The following SPAG17 variants were observed in gnomAD, a reference collection of about 807,000 sequenced individuals.
SPAG17 encodes sperm-associated antigen 17.
Under a neutral mutation model 273.6 loss-of-function variants are expected in SPAG17, and 169 were observed. The observed-to-expected ratio is 0.62, with a 90% CI of 0.55 to 0.70. The LOEUF (loss-of-function observed/expected upper bound fraction) is 0.70, where lower values mean the gene tolerates loss of function less well. SPAG17 is among the 30% of genes least tolerant of loss of function. The pLI is 0.00. For missense variants in SPAG17, 2,557 were observed against 2,627.8 expected, an observed-to-expected ratio of 0.97 and a Z score of 0.59; for synonymous variants, 825 against 873.2, an observed-to-expected ratio of 0.94 and a Z score of 0.97.
chr1:117,959,510 A>G, intron 48 of SPAG17: 1 of 1,461,602 alleles, frequency 6.8e-7, no homozygotes, highest in Non-Finnish European at 9.1e-7. Flanking sequence ...TAAACTAAGC[A>G]CAGAAGAGTT....
intron 47 of SPAG17, chr1:117,965,709 T>A (rs1653746079): frequency 6.6e-6 from 1 of 152,214 alleles, no homozygotes; most frequent in African/African-American, 2.4e-5. Context: ...ACAATAACCC[T>A]GGATTCATCT....
Position 117,973,553 on chromosome 1 carries a change from A to G in SPAG17, c.6013T>C (p.Ser2005Pro), listed in dbSNP as rs764085547. The change falls in exon 44 of 49, where the codon TCT (serine) becomes CCT (proline). Residue 2005 changes from serine to proline, a missense_variant. Physicochemically the swap from Ser to Pro is moderately conservative, Grantham distance 74. Coordinates refer to ENST00000336338, the MANE Select transcript of SPAG17 (RefSeq NM_206996.4). ...GTTGGAATTTTCACGGGCTCATAAGATTCTGCTTCTGTTAGAGAGAAAGCT... is the reference window on the plus strand; with the variant it reads ...GTTGGAATTTTCACGGGCTCATAAGGTTCTGCTTCTGTTAGAGAGAAAGCT... ...NLTKSPEEAE[S>P]YEPVKIPTQS... is the part of the protein sequence containing the mutation. 6.2e-7 allele frequency: 1 copy of G among 1,613,540 alleles called. No individual in the cohort carries two copies. The highest frequency in any genetic ancestry group is 1.1e-5 in the South Asian group (1 of 90,988).
intron 24 of SPAG17, among the ~76,000 whole-genome samples, chr1:118,035,439 G>C (rs997097461): frequency 6.6e-6 from 1 of 152,176 alleles, no homozygotes; most frequent in South Asian, 2.1e-4. Context: ...TAGTGATAAC[G>C]GATTTTAATA....
intron 28 of SPAG17, among the ~76,000 whole-genome samples, chr1:118,017,835 A>G (rs1248547077): frequency 6.6e-6 from 1 of 152,154 alleles, no homozygotes; most frequent in Non-Finnish European, 1.5e-5. Context: ...ATTTTCTTCC[A>G]TTAAGTATAT....
At chr1:118,009,150 AATAAGT>A (rs1457045137) in intron 30 of SPAG17, among the ~76,000 whole-genome samples, 2 of 152,042 alleles carry the variant, frequency 1.3e-5, no homozygotes, top group African/African-American at 2.4e-5. Flanking sequence ...ATGTAAGATG[AATAAGT>A]ATAAGAATGT....
At chr1:118,058,279 C>T (rs1651912580) in intron 18 of SPAG17, among the ~76,000 whole-genome samples, 1 of 152,130 alleles carries the variant, frequency 6.6e-6, no homozygotes, top group African/African-American at 2.4e-5. Context: ...ACAATCATGT[C>T]TCACAGGTGC....
At chr1:118,145,868 T>G (rs1265732294) in intron 3 of SPAG17, among the ~76,000 whole-genome samples, 1 of 152,212 alleles carries the variant, frequency 6.6e-6, no homozygotes, top group African/African-American at 2.4e-5. Flanking sequence ...TTATTCTTTA[T>G]AGACAATTTT....
At chr1:117,965,689 C>T (rs1653742639) in intron 47 of SPAG17, 2 of 152,222 alleles carry the variant, frequency 1.3e-5, no homozygotes, top group Non-Finnish European at 2.9e-5. Context: ...TCCCCTTTGA[C>T]ATGTCCTGCA....
chr1:118,023,486 C>T (rs1345435348), intron 27 of SPAG17, 23 bp from the exon 28 acceptor site: 2 of 1,597,340 alleles, frequency 1.3e-6, no homozygotes, highest in Admixed American at 3.5e-5. Flanking sequence ...CAAAAGTTTT[C>T]AGCATTCTCA....
intron 20 of SPAG17, among the ~76,000 whole-genome samples, chr1:118,045,211 C>T (rs1650214273): frequency 1.3e-5 from 2 of 152,308 alleles, no homozygotes; most frequent in South Asian, 4.1e-4. Flanking sequence ...ATCTTTTGCT[C>T]TAATGAGGCA....
At chr1:117,973,029 T>C (rs1486992039) in intron 44 of SPAG17, among the ~76,000 whole-genome samples, 2 of 152,238 alleles carry the variant, frequency 1.3e-5, no homozygotes, top group African/African-American at 4.8e-5. Flanking sequence ...CAATGATTCC[T>C]TTAGCCAGTA....
At chr1:118,176,291 A>G (rs1362448012) in intron 1 of SPAG17, among the ~76,000 whole-genome samples, 1 of 152,202 alleles carries the variant, frequency 6.6e-6, no homozygotes, top group Admixed American at 6.5e-5. Flanking sequence ...CAATGAATAA[A>G]GAAAAAAGAC....
chr1:118,023,964 C>T (rs951234671), intron 27 of SPAG17, among the ~76,000 whole-genome samples: 1 of 152,100 alleles, frequency 6.6e-6, no homozygotes, highest in Non-Finnish European at 1.5e-5. Context: ...CAAGGACCAA[C>T]GTCACTGTTG....
chr1:118,028,912 C>T (rs1468786941), intron 25 of SPAG17, among the ~76,000 whole-genome samples: 1 of 152,144 alleles, frequency 6.6e-6, no homozygotes, highest in African/African-American at 2.4e-5. Context: ...AACACCTTTG[C>T]CTCTTCCTCT....
intron 4 of SPAG17, among the ~76,000 whole-genome samples, chr1:118,112,525 A>C (rs1366101569): frequency 6.6e-6 from 1 of 152,142 alleles, no homozygotes; most frequent in African/African-American, 2.4e-5. Flanking sequence ...TAATAAAATC[A>C]AACTAATTTA....
chr1:118,115,559 A>C, intron 3 of SPAG17, 118 bp from the exon 4 acceptor site: 1 of 1,063,590 alleles, frequency 9.4e-7, no homozygotes, highest in Non-Finnish European at 1.3e-6. Context: ...AAGATACTTC[A>C]TTGCTGGCTG....
At position 118,091,765 on chromosome 1, in the gene SPAG17, A is replaced by G. The variant is rs760550036; in HGVS notation, c.1247-47T>C. On this transcript the variant is annotated intron_variant, in intron 9 of 48. Coordinates refer to ENST00000336338, the MANE Select transcript of SPAG17 (RefSeq NM_206996.4). The stretch of plus-strand genomic sequence containing the variant: ...ATTGCCCAATTAAGTTGTGTTCTCC[A>G]TTATTTCCATCAAAATTTCATGCAT... The G allele has an allele frequency of 8.6e-6, 12 of 1,399,154 alleles. No homozygotes were observed. The Admixed American group carries it at 2.0e-4, about 24-fold the overall frequency. 86.7% of individuals were successfully genotyped at this position (1,399,154 alleles called of 1,614,324 possible).
chr1:118,141,870 G>T (rs1213419051), intron 3 of SPAG17, among the ~76,000 whole-genome samples: 1 of 152,198 alleles, frequency 6.6e-6, no homozygotes, highest in Non-Finnish European at 1.5e-5. Context: ...TAACAAAGAA[G>T]AATAATGTAT....
chr1:118,084,923 A>G (rs1208672783), intron 13 of SPAG17, among the ~76,000 whole-genome samples: 1 of 152,154 alleles, frequency 6.6e-6, no homozygotes, highest in Non-Finnish European at 1.5e-5. Flanking sequence ...GGTTTCTTTC[A>G]GTTAGGAAAT....
Sources: allele counts gnomAD v4.1 joint callset (sites outside exome capture counted in the v4.1 genomes callset), GRCh38; gene constraint gnomAD v4.1.1; transcripts MANE v1.5; gene names NCBI Gene and HGNC (gene_info 2026-07-23, HGNC 2026-07-21).